RYR2: variants seen among roughly 807,000 people sequenced by gnomAD.
RYR2 encodes ryanodine receptor 2, also known as cardiac muscle ryanodine receptor-calcium release channel.
In RYR2, 227 loss-of-function variants were observed where a neutral mutation model predicts 601.1. The observed-to-expected ratio is 0.38, with a 90% CI of 0.34 to 0.42. The LOEUF (loss-of-function observed/expected upper bound fraction) is 0.42, where lower values mean the gene tolerates loss of function less well. Ranked by LOEUF, RYR2 falls within the 10% of genes least tolerant of loss-of-function variation. RYR2 has a pLI of 1.00. For synonymous variants in RYR2, 2,223 were observed against 2,175.1 expected (o/e 1.02, Z -0.61); for missense variants, 4,646 against 6,156.5 (o/e 0.75, Z 8.21).
chr1:237,123,422 A>G (rs1449803228), intron 1 of RYR2, among the ~76,000 whole-genome samples: 1 of 152,084 alleles, frequency 6.6e-6, no homozygotes, highest in Non-Finnish European at 1.5e-5. Context: ...CCTAGTCTCT[A>G]CAAAAAAATA....
rs2149691920 is a variant in RYR2 at position 237,355,974 on chromosome 1, G to A, written c.283G>A (p.Val95Met). ...TVEKSEGQVDVEKWKFMMKTA... is the reference protein window; with the variant it reads ...TVEKSEGQVDMEKWKFMMKTA... The stretch of plus-strand genomic sequence containing the variant: ...CTTTTTCTTTCCACAGCAAGTTGAT[G>A]TGGAAAAATGGGTATGTGTTTCCAT... The change falls in exon 4 of 105, where the codon GTG (valine) becomes ATG (methionine). Residue 95 changes from valine (V) to methionine (M), a missense_variant. Transcript: ENST00000366574. The A allele has an allele frequency of 1.9e-6, 3 of 1,606,276 alleles. No homozygotes were observed. Among genetic ancestry groups the A allele is most frequent in the Non-Finnish European group, 2.6e-6 (3 of 1,175,834 alleles).
intron 10 of RYR2, among the ~76,000 whole-genome samples, chr1:237,404,249 G>C (rs1437311923): frequency 3.9e-5 from 6 of 152,134 alleles, no homozygotes; most frequent in African/African-American, 1.4e-4. Flanking sequence ...GACAGAGGGA[G>C]ACCCTGTCTC....
At chr1:237,604,392 A>C (rs972156148) in intron 35 of RYR2, among the ~76,000 whole-genome samples, 2 of 152,210 alleles carry the variant, frequency 1.3e-5, no homozygotes, top group African/African-American at 4.8e-5. Context: ...AAGACACAAC[A>C]TACCAGAATC....
At chr1:237,441,200 A>G in intron 12 of RYR2, 119 bp from the exon 13 acceptor site, 2 of 930,684 alleles carry the variant, frequency 2.1e-6, no homozygotes, top group East Asian at 2.5e-5. Context: ...CCATTATTTC[A>G]GGGGACTTCA....
In RYR2 at chr1:237,371,793, A is replaced by G. The variant is rs546417250; in HGVS notation, c.384+2185A>G. The stretch of plus-strand genomic sequence containing the variant: ...ACCATCATTCTCAGCAAACTATCGC[A>G]AGGACAAAAAACCAAACACTGCATG... On this transcript the variant is annotated intron_variant, in intron 6 of 104. Transcript: ENST00000366574. Among the ~76,000 whole-genome samples the G allele has an allele frequency of 3.3e-5, 5 of 152,284 alleles. No homozygotes were observed. The South Asian group carries it at 1.0e-3, about 32-fold the overall frequency.
At chr1:237,154,752 A>G (rs2485586) in intron 1 of RYR2, among the ~76,000 whole-genome samples, 63,738 of 152,112 alleles carry the variant, frequency 0.42, 16,173 homozygotes, top group Non-Finnish European at 0.55. Flanking sequence ...ATTATATATA[A>G]TATATGTTGT....
At chr1:237,195,542 CA>C (rs1243474760) in intron 1 of RYR2, among the ~76,000 whole-genome samples, 1 of 152,198 alleles carries the variant, frequency 6.6e-6, no homozygotes, top group Non-Finnish European at 1.5e-5. Context: ...TGTGAGCCAC[CA>C]CGCCTGAGCC....
At chr1:237,550,831 C>T in intron 27 of RYR2, 140 bp downstream of exon 27, 1 of 905,518 alleles carries the variant, frequency 1.1e-6, no homozygotes, top group Non-Finnish European at 1.6e-6. Context: ...GGATTTTCTT[C>T]CCTGAAAAAC....
At chr1:237,262,194 T>TACTCCAG (rs1487316757) in intron 1 of RYR2, among the ~76,000 whole-genome samples, 1 of 150,480 alleles carries the variant, frequency 6.6e-6, no homozygotes, top group African/African-American at 2.4e-5. Flanking sequence ...CAGAATCCAG[T>TACTCCAG]ACTCCAGTTC....
Position 237,361,434 on chromosome 1 carries a change from G to A in RYR2, c.295-2924G>A, listed in dbSNP as rs76839928. Among the ~76,000 whole-genome samples the A allele has an allele frequency of 1.0e-3, 154 of 152,214 alleles. No individual in the cohort carries two copies. In the East Asian group the frequency reaches 0.027, roughly 26 times the overall value. ...TGATACGTGGAGAGGAAAAGATGGC[G>A]AAAAGGCTTAAATTTGATGTATATT... is the stretch of plus-strand genomic sequence containing the variant. On this transcript the variant is annotated intron_variant, in intron 4 of 104. Coordinates refer to ENST00000366574, the MANE Select transcript of RYR2 (RefSeq NM_001035.3).
At chr1:237,712,603 A>C (rs1043053873) in intron 71 of RYR2, among the ~76,000 whole-genome samples, 3 of 152,144 alleles carry the variant, frequency 2.0e-5, no homozygotes, top group Non-Finnish European at 4.4e-5. Context: ...TATGTTTAAC[A>C]TGTCAACACT....
chr1:237,786,678 T>C (rs1657618810), intron 91 of RYR2, among the ~76,000 whole-genome samples: 1 of 152,240 alleles, frequency 6.6e-6, no homozygotes, highest in Non-Finnish European at 1.5e-5. Flanking sequence ...CAGGTTTCTC[T>C]GAATAATCGA....
intron 1 of RYR2, among the ~76,000 whole-genome samples, chr1:237,062,245 G>A (rs1239075051): frequency 1.3e-5 from 2 of 152,064 alleles, no homozygotes; most frequent in Admixed American, 1.3e-4. Context: ...TTAAATTTTA[G>A]AATTAGCTTA....
chr1:237,115,491 A>G (rs1396037097), intron 1 of RYR2, among the ~76,000 whole-genome samples: 2 of 152,222 alleles, frequency 1.3e-5, no homozygotes, highest in African/African-American at 4.8e-5. Context: ...AAAGGAAACA[A>G]TGGCAAGTGT....
chr1:237,773,820 C>T (rs1694448670), intron 87 of RYR2, among the ~76,000 whole-genome samples, 172 bp downstream of exon 87: 1 of 152,084 alleles, frequency 6.6e-6, no homozygotes, highest in Non-Finnish European at 1.5e-5. Flanking sequence ...AATTGCTTCA[C>T]CATTTGGCAG....
At chr1:237,709,650 A>G (rs1405801743) in intron 70 of RYR2, 83 bp downstream of exon 70, 2 of 765,980 alleles carry the variant, frequency 2.6e-6, no homozygotes, top group Non-Finnish European at 4.3e-6. Flanking sequence ...GTAACAGTTG[A>G]GGAGAGAGAA....
chr1:237,183,141 A>G (rs567536660), intron 1 of RYR2, among the ~76,000 whole-genome samples: 37 of 152,308 alleles, frequency 2.4e-4, no homozygotes, highest in African/African-American at 8.2e-4. Context: ...GATTGGAATA[A>G]AGCTATAAGT....
intron 94 of RYR2, among the ~76,000 whole-genome samples, chr1:237,792,575 G>A (rs750414505): frequency 2.2e-4 from 34 of 152,088 alleles, no homozygotes; most frequent in Non-Finnish European, 4.4e-4. Context: ...GACAGACACA[G>A]CAGGTGCCGT....
intron 12 of RYR2, among the ~76,000 whole-genome samples, chr1:237,433,383 C>T (rs1014468028): frequency 2.6e-5 from 4 of 151,896 alleles, no homozygotes; most frequent in African/African-American, 9.7e-5. Flanking sequence ...TGATTGGAAG[C>T]CCAATGACAT....
Sources: allele counts gnomAD v4.1 joint callset (sites outside exome capture counted in the v4.1 genomes callset), GRCh38; gene constraint gnomAD v4.1.1; transcripts MANE v1.5; gene names NCBI Gene and HGNC (gene_info 2026-07-23, HGNC 2026-07-21).